The following SCN11A variants were observed in gnomAD, a reference collection of about 807,000 sequenced individuals.
The protein encoded by SCN11A is sodium voltage-gated channel alpha subunit 11.
Under a neutral mutation model 162.2 loss-of-function variants are expected in SCN11A, and 122 were observed. The ratio of observed to expected loss-of-function variants is 0.75; its 90% confidence interval spans 0.65 to 0.87. The LOEUF is 0.87. Ranked by LOEUF, SCN11A falls within the 40% of genes least tolerant of loss-of-function variation. The probability of loss-of-function intolerance (pLI) is 0.00; values close to 1 mark genes in which losing one functional copy is unlikely to be tolerated. For synonymous variants in SCN11A, 758 were observed against 751.5 expected, an observed-to-expected ratio of 1.01 and a Z score of -0.14; for missense variants, 2,015 against 2,181.6, an observed-to-expected ratio of 0.92 and a Z score of 1.52.
chr3:38,872,818 A>G (rs2065151287), intron 23 of SCN11A, among the ~76,000 whole-genome samples: 1 of 152,164 alleles, frequency 6.6e-6, no homozygotes, highest in Admixed American at 6.5e-5. Context: ...GGGGAAAAAA[A>G]GAGAGAAAAA....
intron 7 of SCN11A, among the ~76,000 whole-genome samples, chr3:38,927,240 C>A (rs781421833): frequency 3.3e-5 from 5 of 152,108 alleles, no homozygotes; most frequent in Admixed American, 6.5e-5. Flanking sequence ...TTGTCACCAC[C>A]ATTCTAGAGC....
rs145042945 is a variant in SCN11A, at chr3:38,923,708, G to A, written c.712+1707C>T. 2.0e-3 allele frequency among the ~76,000 whole-genome samples: 303 copies of A among 152,266 alleles called. 2 individuals carry two copies. The highest frequency in any genetic ancestry group is 6.9e-3 in the African/African-American group (287 of 41,560). ...TCCCTTGCTTGGATTATGGTCTCTT[G>A]TGTCAGTTTGGGTTTTGAGGAGCAG... On this transcript the variant is annotated intron_variant, in intron 9 of 29. Transcript: ENST00000302328.
intron 2 of SCN11A, among the ~76,000 whole-genome samples, chr3:38,983,428 G>C (rs1050923920): frequency 6.6e-6 from 1 of 152,184 alleles, no homozygotes; most frequent in African/African-American, 2.4e-5. Context: ...TAGACACTGG[G>C]TCCTCTGTGG....
chr3:38,889,213 G>A (rs908587696), intron 19 of SCN11A, among the ~76,000 whole-genome samples: 9 of 151,554 alleles, frequency 5.9e-5, no homozygotes, highest in African/African-American at 1.9e-4. Context: ...ATCACCTGAG[G>A]TCCAGAGTTC....
At chr3:38,903,818 T>A in intron 16 of SCN11A, 47 bp downstream of exon 16, 1 of 1,356,980 alleles carries the variant, frequency 7.4e-7, no homozygotes, top group Non-Finnish European at 9.8e-7. Flanking sequence ...AAAGTTATAC[T>A]TTAAAGTATG....
intron 1 of SCN11A, among the ~76,000 whole-genome samples, chr3:39,036,958 C>T (rs2031918562): frequency 1.3e-5 from 2 of 152,172 alleles, no homozygotes; most frequent in African/African-American, 4.8e-5. Context: ...TACGATCCAG[C>T]AATCCCACTG....
chr3:38,857,368 T>A lies in SCN11A; in HGVS notation c.4056+5827A>T, dbSNP rs181693689. On this transcript the variant is annotated intron_variant, in intron 28 of 29. Coordinates refer to ENST00000302328, the MANE Select transcript of SCN11A (RefSeq NM_001349253.2). ...CCTACGGAAATGCAAAGTGCCATGGTAAGTTTCAACAATAGACTAGGACAA... is the reference window on the plus strand; with the variant it reads ...CCTACGGAAATGCAAAGTGCCATGGAAAGTTTCAACAATAGACTAGGACAA... Among the ~76,000 whole-genome samples the A allele has an allele frequency of 1.3e-3, 192 of 152,188 alleles. 1 individual carries two copies. The highest frequency in any genetic ancestry group is 4.5e-3 in the African/African-American group (187 of 41,568).
At position 38,910,076 on chromosome 3, in the gene SCN11A, A is replaced by T; in HGVS notation, c.1091T>A (p.Leu364His). 1 of 1,613,846 alleles carries T rather than the reference A, an allele frequency of 6.2e-7. No homozygotes were observed. The highest frequency in any genetic ancestry group is 2.2e-5 in the East Asian group (1 of 44,852). ...RLMTQDSWEK[L>H]YQQTLRTTGL... The stretch of plus-strand genomic sequence containing the variant: ...CTATAAATAGATAACCTGTTGATAA[A>T]GCTTCTCCCAGGAATCTTGGGTCAT... The change falls in exon 12 of 30, where the codon CTT becomes CAT. Residue 364 changes from leucine to histidine, a missense_variant. By Grantham distance (99) the Leu-to-His change is moderately conservative (BLOSUM62 -3). Transcript: ENST00000302328.
intron 6 of SCN11A, among the ~76,000 whole-genome samples, 174 bp downstream of exon 6, chr3:38,946,612 GAGA>G (rs750218280): frequency 5.3e-5 from 8 of 152,214 alleles, no homozygotes; most frequent in Non-Finnish European, 8.8e-5. Flanking sequence ...TAGGACCCCA[GAGA>G]AGGAGACGAC....
At chr3:39,029,017 G>C (rs1356253784) in intron 2 of SCN11A, among the ~76,000 whole-genome samples, 2 of 152,180 alleles carry the variant, frequency 1.3e-5, no homozygotes, top group African/African-American at 2.4e-5. Flanking sequence ...TAACTGTCTG[G>C]ATGCATCTTT....
intron 2 of SCN11A, among the ~76,000 whole-genome samples, chr3:39,031,675 T>C (rs181643138): frequency 7.1e-4 from 108 of 152,338 alleles, no homozygotes; most frequent in African/African-American, 7.2e-4. Context: ...TGTATACTTA[T>C]ATAATCTTGC....
intron 29 of SCN11A, among the ~76,000 whole-genome samples, chr3:38,848,602 G>GA (rs941483107): frequency 1.3e-5 from 2 of 152,158 alleles, no homozygotes; most frequent in Non-Finnish European, 2.9e-5. Flanking sequence ...GTCAACCCTG[G>GA]AAAGATGTAA....
chr3:38,853,650 T>C (rs934039962), intron 28 of SCN11A, among the ~76,000 whole-genome samples: 1 of 152,240 alleles, frequency 6.6e-6, no homozygotes, highest in Non-Finnish European at 1.5e-5. Flanking sequence ...GGCCCTATTC[T>C]GGGTGCCGAG....
chr3:38,902,641 C>T (rs139783078), intron 16 of SCN11A, among the ~76,000 whole-genome samples: 6,517 of 152,142 alleles, frequency 0.043, 188 homozygotes, highest in Non-Finnish European at 0.065. Context: ...CCTCAGCCTC[C>T]TGAGTAGTTG....
At chr3:38,935,554 G>C (rs1255884805) in intron 7 of SCN11A, among the ~76,000 whole-genome samples, 2 of 152,252 alleles carry the variant, frequency 1.3e-5, no homozygotes, top group Middle Eastern at 3.4e-3. Context: ...TATCACCACC[G>C]ATCCCACAGA....
chr3:38,850,807 A>C (rs1428205697), intron 28 of SCN11A, 56 bp from the exon 29 acceptor site: 19 of 1,383,998 alleles, frequency 1.4e-5, no homozygotes, highest in Non-Finnish European at 1.9e-5. Flanking sequence ...AATTACATAC[A>C]ATAAAAAGAA....
At chr3:38,927,434 T>C (rs534018158) in intron 7 of SCN11A, among the ~76,000 whole-genome samples, 1 of 147,544 alleles carries the variant, frequency 6.8e-6, no homozygotes, top group Admixed American at 6.6e-5. Flanking sequence ...CCCAATGACA[T>C]TTTTTACAAA....
chr3:38,912,872 T>C (rs918826469), intron 11 of SCN11A, among the ~76,000 whole-genome samples: 2 of 152,220 alleles, frequency 1.3e-5, no homozygotes, highest in Non-Finnish European at 2.9e-5. Flanking sequence ...CTTTATCCAG[T>C]TTGTCACTGA....
chr3:38,886,065 T>C (rs2126109028), intron 20 of SCN11A, 60 bp downstream of exon 20: 2 of 1,080,782 alleles, frequency 1.9e-6, no homozygotes, highest in Non-Finnish European at 2.8e-6. Context: ...ATAATAACTA[T>C]CCTGGAGAAG....
Sources: gnomAD v4.1 joint callset for allele counts (sites outside exome capture counted in the v4.1 genomes callset) on GRCh38, gnomAD v4.1.1 for gene constraint, MANE v1.5 for transcripts, NCBI Gene and HGNC (gene_info 2026-07-23, HGNC 2026-07-21) for gene names.